PELI2: variants seen among roughly 807,000 people sequenced by gnomAD.
PELI2 encodes pellino E3 ubiquitin protein ligase family member 2, also known as E3 ubiquitin-protein ligase pellino homolog 2.
Under a neutral mutation model 42.3 loss-of-function variants are expected in PELI2, and 23 were observed. The ratio of observed to expected loss-of-function variants is 0.54; its 90% CI spans 0.39 to 0.77. The LOEUF (loss-of-function observed/expected upper bound fraction) is 0.77, where lower values mean the gene tolerates loss of function less well. Ranked by LOEUF, PELI2 falls within the 30% of genes least tolerant of loss-of-function variation. PELI2 has a pLI of 0.00. For missense variants in PELI2, 463 were observed against 553.2 expected (o/e 0.84, Z 1.64); for synonymous variants, 245 against 212.2 (o/e 1.15, Z -1.34).
intron 1 of PELI2, among the ~76,000 whole-genome samples, chr14:56,129,740 G>C (rs2139585499): frequency 6.6e-6 from 1 of 152,332 alleles, no homozygotes; most frequent in Admixed American, 6.5e-5. Flanking sequence ...CTCTGCCTTG[G>C]GGTCTTGGCT....
At chr14:56,267,815 G>T (rs1018882333) in intron 2 of PELI2, among the ~76,000 whole-genome samples, 1 of 152,080 alleles carries the variant, frequency 6.6e-6, no homozygotes. Context: ...GGGGACTTTT[G>T]CTTCTATCAC....
At chr14:56,185,086 A>G (rs1356623547) in intron 2 of PELI2, among the ~76,000 whole-genome samples, 3 of 152,110 alleles carry the variant, frequency 2.0e-5, no homozygotes, top group African/African-American at 7.2e-5. Context: ...GTTGTTAAAT[A>G]ATATCACTCC....
chr14:56,175,293 G>A (rs552279050), intron 1 of PELI2, among the ~76,000 whole-genome samples: 1 of 152,310 alleles, frequency 6.6e-6, no homozygotes, highest in East Asian at 1.9e-4. Context: ...AACGTGCCTG[G>A]CCAAGATTTC....
intron 1 of PELI2, among the ~76,000 whole-genome samples, chr14:56,173,839 T>C (rs1307278455): frequency 6.6e-6 from 1 of 152,192 alleles, no homozygotes; most frequent in Non-Finnish European, 1.5e-5. Flanking sequence ...CATCTTGAGA[T>C]CCTGGGCTTA....
At chr14:56,121,584 T>G (rs566602318) in intron 1 of PELI2, among the ~76,000 whole-genome samples, 1 of 152,246 alleles carries the variant, frequency 6.6e-6, no homozygotes, top group Admixed American at 6.5e-5. Context: ...TTTGCTATAA[T>G]TTTAAACTTA....
intron 2 of PELI2, among the ~76,000 whole-genome samples, chr14:56,277,777 G>T (rs1412084723): frequency 1.3e-5 from 2 of 152,088 alleles, no homozygotes; most frequent in Non-Finnish European, 2.9e-5. Flanking sequence ...AAATGTGTTA[G>T]GGAATAAAAA....
intron 2 of PELI2, among the ~76,000 whole-genome samples, chr14:56,218,503 G>A (rs970881980): frequency 6.6e-6 from 1 of 152,354 alleles, no homozygotes; most frequent in East Asian, 1.9e-4. Context: ...GTAGTTGACT[G>A]TGTAGTCAGT....
intron 2 of PELI2, among the ~76,000 whole-genome samples, chr14:56,185,257 T>C (rs1885730654): frequency 6.6e-6 from 1 of 152,202 alleles, no homozygotes; most frequent in African/African-American, 2.4e-5. Context: ...ATTTGATTAA[T>C]CAATACTTTT....
rs1886173414 is a variant in PELI2 at position 56,197,646 on chromosome 14, T to G, written c.207+19182T>G. On this transcript the variant is annotated intron_variant, in intron 2 of 5. Transcript: ENST00000267460. This position sits in a 1 kb window ranked among gnomAD's most constrained non-coding sequence, Gnocchi z 4.9. Reference sequence around the variant, plus strand: ...ATGTGTTAACTTGGCTGGGCCATTGTGCCTAGATTTGTGGTCAGGTGTTAT... The same window carrying G: ...ATGTGTTAACTTGGCTGGGCCATTGGGCCTAGATTTGTGGTCAGGTGTTAT... Among the ~76,000 whole-genome samples the G allele has an allele frequency of 6.6e-6, 1 of 152,208 alleles. No homozygotes were observed. Among genetic ancestry groups the G allele is most frequent in the South Asian group, 2.1e-4 (1 of 4,830 alleles).
chr14:56,172,428 C>G (rs998023871), intron 1 of PELI2, among the ~76,000 whole-genome samples: 7 of 152,170 alleles, frequency 4.6e-5, no homozygotes, highest in Non-Finnish European at 8.8e-5. Context: ...GTAAGCAAAC[C>G]ACTAGAGCCA....
chr14:56,154,700 G>A (rs118044498), intron 1 of PELI2, among the ~76,000 whole-genome samples: 1 of 152,250 alleles, frequency 6.6e-6, no homozygotes, highest in East Asian at 1.9e-4. Flanking sequence ...CTTATAAACA[G>A]TGACATAATT....
At chr14:56,210,355 G>A (rs1172383055) in intron 2 of PELI2, among the ~76,000 whole-genome samples, 1 of 152,064 alleles carries the variant, frequency 6.6e-6, no homozygotes, top group Non-Finnish European at 1.5e-5. Context: ...ATGAGGATTG[G>A]GAAGTCAGTG....
intron 2 of PELI2, among the ~76,000 whole-genome samples, chr14:56,214,244 G>A (rs546387855): frequency 2.0e-5 from 3 of 152,256 alleles, no homozygotes; most frequent in Non-Finnish European, 4.4e-5. Context: ...ATCTGCAGCT[G>A]TGAGGCACAG....
At chr14:56,134,295 C>CT (rs1293263186) in intron 1 of PELI2, among the ~76,000 whole-genome samples, 2 of 152,152 alleles carry the variant, frequency 1.3e-5, no homozygotes, top group Non-Finnish European at 2.9e-5. Flanking sequence ...GTATTAAAGT[C>CT]TCCCCAGAAA....
intron 1 of PELI2, among the ~76,000 whole-genome samples, chr14:56,159,831 G>A (rs940200838): frequency 6.6e-6 from 1 of 152,142 alleles, no homozygotes; most frequent in Non-Finnish European, 1.5e-5. Flanking sequence ...GTTGGTCAGT[G>A]AAAAGTGCTC....
chr14:56,131,239 A>T (rs1182228567), intron 1 of PELI2, among the ~76,000 whole-genome samples: 1 of 152,238 alleles, frequency 6.6e-6, no homozygotes, highest in African/African-American at 2.4e-5. Context: ...AGCTTAGACC[A>T]GGTGCCAGCT....
Position 56,301,349 on chromosome 14 carries a change from T to G in PELI2, c.*4183T>G, listed in dbSNP as rs1376924049. The G allele has an allele frequency of 1.3e-5, 2 of 152,646 alleles. No homozygotes were observed. Among genetic ancestry groups the G allele is most frequent in the Non-Finnish European group, 2.9e-5 (2 of 68,032 alleles). 9.5% of individuals were successfully genotyped at this position (152,646 alleles called of 1,614,324 possible). On this transcript the variant is annotated 3_prime_UTR_variant, in exon 6 of 6. Transcript: ENST00000267460. ...ATTCTGTGGTTGTCACTGAGTTCAT[T>G]AGGACATTTAGTAGGTTGATACGAG...
At chr14:56,290,171 C>T (rs1889780350) in intron 4 of PELI2, 97 bp from the exon 5 acceptor site, 1 of 877,214 alleles carries the variant, frequency 1.1e-6, no homozygotes, top group East Asian at 2.5e-5. Flanking sequence ...ACCTTCCTCC[C>T]CTCTGCCTCT....
At chr14:56,195,677 C>T (rs533271928) in intron 2 of PELI2, among the ~76,000 whole-genome samples, 1 of 152,348 alleles carries the variant, frequency 6.6e-6, no homozygotes, top group East Asian at 1.9e-4. Context: ...TCAAACACTG[C>T]AAACCCCTCA....
Sources: gnomAD v4.1 joint callset for allele counts (sites outside exome capture counted in the v4.1 genomes callset) on GRCh38, gnomAD v4.1.1 for gene constraint, Gnocchi (gnomAD v3.1) non-coding constraint, MANE v1.5 for transcripts, NCBI Gene and HGNC (gene_info 2026-07-23, HGNC 2026-07-21) for gene names.